NCOR2: variants seen among roughly 807,000 people sequenced by gnomAD.
NCOR2 encodes nuclear receptor corepressor 2, also known as CTG repeat protein 26.
NCOR2 carries 81 observed loss-of-function variants against 262.9 expected under a neutral mutation model. The ratio of observed to expected loss-of-function variants is 0.31; its 90% CI spans 0.26 to 0.37. The LOEUF is 0.37. Ranked by LOEUF, NCOR2 falls within the 10% of genes least tolerant of loss-of-function variation. NCOR2 has a pLI of 1.00. For missense variants in NCOR2, 3,385 were observed against 3,621.4 expected, an observed-to-expected ratio of 0.93 and a Z score of 1.68; for synonymous variants, 1,659 against 1,559.3, an observed-to-expected ratio of 1.06 and a Z score of -1.51.
chr12:124,431,834 C>A (rs1203941266), intron 8 of NCOR2, among the ~76,000 whole-genome samples: 1 of 151,790 alleles, frequency 6.6e-6, no homozygotes, highest in Admixed American at 6.6e-5. Context: ...CACAGTCACA[C>A]AGGCAGACAG....
At chr12:124,410,349 C>T (rs139557243) in intron 13 of NCOR2, among the ~76,000 whole-genome samples, 56 of 151,630 alleles carry the variant, frequency 3.7e-4, no homozygotes, top group Non-Finnish European at 5.6e-4. Context: ...CCCTGGGCTC[C>T]GGCCCACTCA....
At chr12:124,340,190 T>TGCTGCCGCA (rs758952375) in exon 37 of NCOR2, 27 of 1,608,568 alleles carry the variant, frequency 1.7e-5, no homozygotes, top group Middle Eastern at 1.6e-4. Flanking sequence ...CTGCTGCCGC[T>TGCTGCCGCA]GCTCTGCTCT....
At chr12:124,553,780 G>A (rs1395018723) in intron 1 of NCOR2, among the ~76,000 whole-genome samples, 2 of 152,200 alleles carry the variant, frequency 1.3e-5, no homozygotes, top group Non-Finnish European at 2.9e-5. Context: ...CCCCACTGCT[G>A]AAACCTACGC....
At chr12:124,422,824 C>T (rs1724736392) in intron 11 of NCOR2, among the ~76,000 whole-genome samples, 1 of 152,220 alleles carries the variant, frequency 6.6e-6, no homozygotes, top group South Asian at 2.1e-4. Flanking sequence ...CTGGAGGCGG[C>T]TTCCAGGAAA....
At chr12:124,374,863 AG>A (rs1238810715) in intron 18 of NCOR2, among the ~76,000 whole-genome samples, 2 of 152,126 alleles carry the variant, frequency 1.3e-5, no homozygotes, top group African/African-American at 4.8e-5. Context: ...TTGCAGGGAG[AG>A]GCTTTTGGGG....
At chr12:124,337,034 G>T (rs2035953205) in exon 38 of NCOR2, 2 of 1,502,158 alleles carry the variant, frequency 1.3e-6, no homozygotes, top group South Asian at 2.7e-5. Context: ...GGGCCGCTCT[G>T]GCCGGGCGAC....
chr12:124,330,653 G>C (rs1226604590), intron 44 of NCOR2, among the ~76,000 whole-genome samples, 192 bp downstream of exon 46: 1 of 152,332 alleles, frequency 6.6e-6, no homozygotes, highest in Non-Finnish European at 1.5e-5. Flanking sequence ...CGAGGATCCT[G>C]TCTACACAGG....
chr12:124,496,049 G>A (rs186049025), upstream of NCOR2, among the ~76,000 whole-genome samples: 153 of 152,238 alleles, frequency 1.0e-3, no homozygotes, highest in African/African-American at 3.6e-3. This position sits in a 1 kb window ranked among gnomAD's most constrained non-coding sequence, Gnocchi z 4.4. Flanking sequence ...ACGGCTCCTG[G>A]GGCAGATACT....
intron 16 of NCOR2, among the ~76,000 whole-genome samples, chr12:124,387,273 T>A (rs566933117): frequency 8.2e-6 from 1 of 122,686 alleles, no homozygotes; most frequent in African/African-American, 3.2e-5. Flanking sequence ...GCCTGCCTGC[T>A]ACACACAAGG....
At chr12:124,419,528 C>T (rs1029373378) in intron 13 of NCOR2, among the ~76,000 whole-genome samples, 1 of 152,194 alleles carries the variant, frequency 6.6e-6, no homozygotes, top group Non-Finnish European at 1.5e-5. Context: ...TTTTTTCTTT[C>T]AAGTATGTAT....
intron 6 of NCOR2, among the ~76,000 whole-genome samples, chr12:124,451,571 T>TTCTGTCTG (rs35303532): frequency 6.6e-6 from 1 of 151,386 alleles, no homozygotes; most frequent in Non-Finnish European, 1.5e-5. Context: ...GTGTATGTCT[T>TTCTGTCTG]TCTGTCTGTC....
rs577495055 is a variant in NCOR2 at position 124,397,377 on chromosome 12, T to G, written c.1876+742A>C. 3.3e-5 allele frequency among the ~76,000 whole-genome samples: 5 copies of G among 152,220 alleles called. No homozygotes were observed. The East Asian group carries it at 9.7e-4, about 30-fold the overall frequency. ...AAACCGAGGCCCAGAGGCAGGTCAC[T>G]GTGCTGGGAAGTAAAGATCTTGGCC... On this transcript the variant is annotated intron_variant, in intron 16 of 46. Transcript: ENST00000405201.
chr12:124,350,733 G>A lies in NCOR2; in HGVS notation c.3698C>T (p.Thr1233Met), dbSNP rs200297509. 1,391 of 1,610,666 alleles carry A rather than the reference G, an allele frequency of 8.6e-4. 1 individual carries two copies. Among genetic ancestry groups the A allele is most frequent in the Non-Finnish European group, 1.1e-3 (1,287 of 1,179,802 alleles). The change falls in exon 28 of 47, where the codon ACG becomes ATG. Residue 1233 changes from threonine to methionine, a missense_variant. This residue lies in a region of NCOR2 where 1,615 missense variants were observed against 1,626.9 expected (regional missense o/e 0.99). Transcript: ENST00000405201. Reference sequence around the variant, plus strand: ...GCCCTTGTACAGGACGTCAGCTGGCGTGCCCTGCAGGTGCAGAGGGGTGAG... The same window carrying A: ...GCCCTTGTACAGGACGTCAGCTGGCATGCCCTGCAGGTGCAGAGGGGTGAG...
At chr12:124,537,194 A>C (rs1010615456), upstream of NCOR2, among the ~76,000 whole-genome samples, 1 of 152,282 alleles carries the variant, frequency 6.6e-6, no homozygotes, top group Non-Finnish European at 1.5e-5. Flanking sequence ...AAGGCAGCCC[A>C]TGTCTACAAG....
chr12:124,375,266 G>A (rs1288685248), intron 18 of NCOR2, among the ~76,000 whole-genome samples: 1 of 152,168 alleles, frequency 6.6e-6, no homozygotes, highest in Non-Finnish European at 1.5e-5. Context: ...GGAGGCCAAC[G>A]CTGAGGGCCC....
chr12:124,326,386 A>T lies in NCOR2; in HGVS notation c.7184-16T>A. The T allele has an allele frequency of 6.7e-7, 1 of 1,483,468 alleles. No homozygotes were observed. Among genetic ancestry groups the T allele is most frequent in the Non-Finnish European group, 8.9e-7 (1 of 1,122,574 alleles). The allele number at this position is 1,483,468 out of a possible 1,614,324, so 91.9% of individuals were successfully genotyped here. Reference sequence around the variant, plus strand: ...CCGCCGCCACCTGCAGGGGGACAAGATGGGAAGGGGCTGCGTTGGGCAGTG... The same window carrying T: ...CCGCCGCCACCTGCAGGGGGACAAGTTGGGAAGGGGCTGCGTTGGGCAGTG... On this transcript the variant is annotated splice_polypyrimidine_tract_variant and intron_variant, in intron 45 of 46. Coordinates refer to ENST00000405201, the Ensembl canonical transcript of NCOR2.
intron 1 of NCOR2, among the ~76,000 whole-genome samples, chr12:124,492,823 C>A (rs901134655): frequency 7.2e-5 from 11 of 152,200 alleles, no homozygotes; most frequent in Non-Finnish European, 1.3e-4. Context: ...CTGCAATATG[C>A]CCAGGGCAGC....
intron 1 of NCOR2, among the ~76,000 whole-genome samples, chr12:124,510,771 A>G (rs1335495416): frequency 6.6e-6 from 1 of 151,954 alleles, no homozygotes; most frequent in Non-Finnish European, 1.5e-5. Context: ...AGAGGTGCCC[A>G]TGGGCCGCCG....
At chr12:124,459,050 C>T (rs998933413) in intron 5 of NCOR2, among the ~76,000 whole-genome samples, 2 of 152,132 alleles carry the variant, frequency 1.3e-5, no homozygotes, top group Non-Finnish European at 2.9e-5. Flanking sequence ...TGGTTAAGAG[C>T]AGTAACAGCA....
Sources: allele counts gnomAD v4.1 joint callset (sites outside exome capture counted in the v4.1 genomes callset), GRCh38; gene constraint gnomAD v4.1.1; regional missense constraint gnomAD v4.1.1; non-coding constraint Gnocchi (gnomAD v3.1); transcripts MANE v1.5; gene names NCBI Gene and HGNC (gene_info 2026-07-23, HGNC 2026-07-21).